XKR4: variants seen among roughly 807,000 people sequenced by gnomAD.
XKR4 encodes XK-related protein 4.
In XKR4, 12 loss-of-function variants were observed where a neutral mutation model predicts 53.9. The observed-to-expected ratio is 0.22, with a 90% CI of 0.14 to 0.36. The LOEUF (loss-of-function observed/expected upper bound fraction) is 0.36. Ranked by LOEUF, XKR4 falls within the 10% of genes least tolerant of loss-of-function variation. The pLI is 1.00. For synonymous variants in XKR4, 354 were observed against 362.4 expected (o/e 0.98, Z 0.26); for missense variants, 799 against 859.5 (o/e 0.93, Z 0.88).
chr8:55,176,916 C>G (rs148403842), intron 1 of XKR4, among the ~76,000 whole-genome samples: 1 of 152,046 alleles, frequency 6.6e-6, no homozygotes, highest in Non-Finnish European at 1.5e-5. Context: ...CAAATGACCA[C>G]GAGGCAAATT....
Position 55,342,678 on chromosome 8 carries a change from C to T in XKR4, c.807-15000C>T, listed in dbSNP as rs116125048. ...CTGGAATGTTCTTCCAGATTTTAAACGAAGAGGGCTTGCTTCCTCTTCCTC... is the reference window on the plus strand; with the variant it reads ...CTGGAATGTTCTTCCAGATTTTAAATGAAGAGGGCTTGCTTCCTCTTCCTC... On this transcript the variant is annotated intron_variant, in intron 1 of 2. Transcript: ENST00000327381. Among the ~76,000 whole-genome samples the T allele has an allele frequency of 8.9e-3, 1,356 of 152,254 alleles. 8 individuals are homozygous for T. Among genetic ancestry groups the T allele is most frequent in the Middle Eastern group, 0.027 (8 of 294 alleles).
At chr8:55,377,441 T>C (rs1314176458) in intron 2 of XKR4, among the ~76,000 whole-genome samples, 1 of 152,192 alleles carries the variant, frequency 6.6e-6, no homozygotes, top group Non-Finnish European at 1.5e-5. Context: ...AGTACAGATT[T>C]CAAAGGAACA....
Position 55,529,636 on chromosome 8 carries a change from G to A in XKR4, c.*5409G>A, listed in dbSNP as rs930609721. 3 of 152,196 alleles carry A rather than the reference G, an allele frequency of 2.0e-5. No homozygotes were observed. The highest frequency in any genetic ancestry group is 7.2e-5 in the African/African-American group (3 of 41,448). The allele number at this position is 152,196 out of a possible 1,614,324, so 9.4% of individuals were successfully genotyped here. ...ATTTGCCCAAAGGTCCCACAGCTAG[G>A]AAACAGTGGGGCTGAGGGTTGAGCA... On this transcript the variant is annotated 3_prime_UTR_variant, in exon 3 of 3. Coordinates refer to ENST00000327381, the MANE Select transcript of XKR4 (RefSeq NM_052898.2).
At chr8:55,337,521 G>T (rs1376510391) in intron 1 of XKR4, among the ~76,000 whole-genome samples, 1 of 152,088 alleles carries the variant, frequency 6.6e-6, no homozygotes, top group Non-Finnish European at 1.5e-5. Flanking sequence ...CTTCCTTGTT[G>T]CCAGTTTATG....
intron 1 of XKR4, among the ~76,000 whole-genome samples, chr8:55,350,183 C>G (rs1012975254): frequency 1.3e-5 from 2 of 152,190 alleles, no homozygotes; most frequent in African/African-American, 4.8e-5. Context: ...CTATAAATAA[C>G]ACAATGCTGT....
chr8:55,465,706 AGAATGG>A (rs1805755518), intron 2 of XKR4, among the ~76,000 whole-genome samples: 1 of 152,110 alleles, frequency 6.6e-6, no homozygotes, highest in Non-Finnish European at 1.5e-5. Flanking sequence ...GGCAACCTAC[AGAATGG>A]GAGGAAATTT....
chr8:55,315,876 T>C (rs945987540), intron 1 of XKR4, among the ~76,000 whole-genome samples: 1 of 152,168 alleles, frequency 6.6e-6, no homozygotes, highest in African/African-American at 2.4e-5. Context: ...AGGAACATGA[T>C]AGCATCTCTC....
At chr8:55,103,453 A>G (rs937174367) in intron 1 of XKR4, among the ~76,000 whole-genome samples, 159 bp downstream of exon 1, 3 of 152,038 alleles carry the variant, frequency 2.0e-5, no homozygotes, top group Non-Finnish European at 2.9e-5. Context: ...TGCATTTTTA[A>G]AATTTGCAAT....
At chr8:55,301,206 T>C (rs1434116262) in intron 1 of XKR4, among the ~76,000 whole-genome samples, 5 of 141,524 alleles carry the variant, frequency 3.5e-5, no homozygotes, top group African/African-American at 1.3e-4. Flanking sequence ...CCATGTGTTC[T>C]CATTGTTCAA....
intron 2 of XKR4, among the ~76,000 whole-genome samples, chr8:55,483,244 T>C (rs757955555): frequency 5.3e-5 from 8 of 152,170 alleles, no homozygotes; most frequent in Non-Finnish European, 1.2e-4. Context: ...TAATTTCAAC[T>C]ACAAACTTTT....
chr8:55,152,883 C>T (rs1816856876), intron 1 of XKR4, among the ~76,000 whole-genome samples: 1 of 152,226 alleles, frequency 6.6e-6, no homozygotes, highest in Non-Finnish European at 1.5e-5. Flanking sequence ...ACCTCAATTA[C>T]TCACCTGTGA....
intron 2 of XKR4, among the ~76,000 whole-genome samples, chr8:55,487,489 A>T (rs1240016084): frequency 3.3e-5 from 5 of 149,258 alleles, no homozygotes; most frequent in Non-Finnish European, 7.4e-5. Flanking sequence ...TTCTTGAGAC[A>T]GAGTCTTACT....
At position 55,283,661 on chromosome 8, in the gene XKR4, T is replaced by C. The variant is rs541404288; in HGVS notation, c.807-74017T>C. ...AAGCTGAAAAAGCATTCCAGAATCT[T>C]CTTCTTGAGAAATAAACTCCAATAA... On this transcript the variant is annotated intron_variant, in intron 1 of 2. Transcript: ENST00000327381. Among the ~76,000 whole-genome samples the C allele has an allele frequency of 2.0e-5, 3 of 152,326 alleles. No homozygotes were observed. The South Asian group carries it at 6.2e-4, about 32-fold the overall frequency.
At chr8:55,468,008 C>T (rs759876779) in intron 2 of XKR4, among the ~76,000 whole-genome samples, 1 of 151,970 alleles carries the variant, frequency 6.6e-6, no homozygotes, top group Non-Finnish European at 1.5e-5. Context: ...TTTATGGTTT[C>T]TTTTTTATGC....
intron 2 of XKR4, among the ~76,000 whole-genome samples, chr8:55,377,982 C>T (rs952829965): frequency 6.6e-6 from 1 of 152,200 alleles, no homozygotes; most frequent in East Asian, 1.9e-4. Context: ...ATGCTCGAGG[C>T]AACCTGTTGC....
intron 2 of XKR4, among the ~76,000 whole-genome samples, chr8:55,490,162 T>C (rs1183534698): frequency 2.0e-5 from 3 of 152,162 alleles, no homozygotes; most frequent in Admixed American, 2.0e-4. Flanking sequence ...ATATTTCTTA[T>C]GAGATCATTT....
intron 1 of XKR4, among the ~76,000 whole-genome samples, chr8:55,348,368 G>C (rs1010052475): frequency 1.3e-5 from 2 of 152,152 alleles, no homozygotes; most frequent in Non-Finnish European, 2.9e-5. Context: ...GTGAGGGAGG[G>C]ACAGCCATCC....
chr8:55,363,371 G>A (rs138080644), intron 2 of XKR4, among the ~76,000 whole-genome samples: 1 of 152,266 alleles, frequency 6.6e-6, no homozygotes, highest in Admixed American at 6.5e-5. Context: ...AAAGGAAAAG[G>A]GAAACAGGGA....
intron 2 of XKR4, among the ~76,000 whole-genome samples, chr8:55,363,436 C>A (rs1482351854): frequency 6.6e-6 from 1 of 152,178 alleles, no homozygotes. Context: ...TGAGGCTCCA[C>A]AGGAAGTCAG....
Sources: gnomAD v4.1 joint callset for allele counts (sites outside exome capture counted in the v4.1 genomes callset) on GRCh38, gnomAD v4.1.1 for gene constraint, MANE v1.5 for transcripts, NCBI Gene and HGNC (gene_info 2026-07-23, HGNC 2026-07-21) for gene names.